Variants in RTKN2 observed in about 807,000 individuals in gnomAD.
RTKN2 encodes rhotekin-2.
In RTKN2, 69 loss-of-function variants were observed where a neutral mutation model predicts 71.5. That is an observed-to-expected ratio of 0.96 (90% CI 0.79 to 1.18). The LOEUF is 1.18. RTKN2 is among the 50% of genes most tolerant of loss of function. The pLI is 0.00. For missense variants in RTKN2, 724 were observed against 719.7 expected, an observed-to-expected ratio of 1.01 and a Z score of -0.07; for synonymous variants, 236 against 236.5, an observed-to-expected ratio of 1.00 and a Z score of 0.02.
At chr10:62,207,995 A>AT (rs946810413) in intron 9 of RTKN2, among the ~76,000 whole-genome samples, 2 of 152,056 alleles carry the variant, frequency 1.3e-5, no homozygotes, top group Non-Finnish European at 2.9e-5. Context: ...TCACTGTGTA[A>AT]TTTTAATCTG....
In RTKN2 at chr10:62,259,771, C is replaced by T. The variant is rs577657431; in HGVS notation, c.257+2854G>A. 2.6e-5 allele frequency among the ~76,000 whole-genome samples: 4 copies of T among 152,192 alleles called. No homozygotes were observed. The South Asian group carries it at 8.3e-4, about 32-fold the overall frequency. On this transcript the variant is annotated intron_variant, in intron 2 of 11. Coordinates refer to ENST00000373789, the MANE Select transcript of RTKN2 (RefSeq NM_145307.4). ...TTTGCCATGTTGCCTAAGCTGATCTCGAACTCCTGAGCTCAAGCAATCTGA... is the reference window on the plus strand; with the variant it reads ...TTTGCCATGTTGCCTAAGCTGATCTTGAACTCCTGAGCTCAAGCAATCTGA...
chr10:62,193,177 C>G lies in RTKN2; in HGVS notation c.*4731G>C, dbSNP rs1009418315. The G allele has an allele frequency of 1.3e-6, 1 of 798,550 alleles. No homozygotes were observed. Among genetic ancestry groups the G allele is most frequent in the African/African-American group, 1.9e-5 (1 of 53,398 alleles). 49.5% of individuals were successfully genotyped at this position (798,550 alleles called of 1,614,324 possible). ...AACAAAATATAAAAATATTTTTAAG[C>G]AAGACACCAAAAAGTATTCATTTTC... On this transcript the variant is annotated 3_prime_UTR_variant, in exon 12 of 12. Coordinates refer to ENST00000373789, the MANE Select transcript of RTKN2 (RefSeq NM_145307.4).
At position 62,197,554 on chromosome 10, in the gene RTKN2, C is replaced by G; in HGVS notation, c.*354G>C. On this transcript the variant is annotated 3_prime_UTR_variant, in exon 12 of 12. Coordinates refer to ENST00000373789, the MANE Select transcript of RTKN2 (RefSeq NM_145307.4). ...ATGAGAATATGGTTCATATTTAACA[C>G]ATTTTAAATTACTAGACAGTCTCTC... is the stretch of plus-strand genomic sequence containing the variant. 9.9e-7 allele frequency: 1 copy of G among 1,008,210 alleles called. No homozygotes were observed. Among genetic ancestry groups the G allele is most frequent in the Non-Finnish European group, 1.2e-6 (1 of 843,552 alleles). The allele number at this position is 1,008,210 out of a possible 1,614,324, so 62.5% of individuals were successfully genotyped here.
intron 6 of RTKN2, among the ~76,000 whole-genome samples, chr10:62,234,494 T>TAA (rs10639375): frequency 0.75 from 106,912 of 142,370 alleles, 40,041 homozygotes; most frequent in East Asian, 0.88. Context: ...AGACTTGTCT[T>TAA]AAAAAAAAAA....
chr10:62,198,637 T>C (rs913480031), intron 11 of RTKN2, among the ~76,000 whole-genome samples, 194 bp from the exon 12 acceptor site: 1 of 152,042 alleles, frequency 6.6e-6, no homozygotes, highest in Non-Finnish European at 1.5e-5. Flanking sequence ...TCATACATTA[T>C]ATATGTAAAC....
chr10:62,220,843 A>G (rs1841889802), intron 7 of RTKN2, among the ~76,000 whole-genome samples: 1 of 152,144 alleles, frequency 6.6e-6, no homozygotes, highest in South Asian at 2.1e-4. Context: ...GATTTACAAC[A>G]TTTATAGTAA....
At position 62,197,232 on chromosome 10, in the gene RTKN2, A is replaced by G; in HGVS notation, c.*676T>C. ...CATCTACCATTTCTCTAAACTAGTA[A>G]GTGTTATGCTTCATTTATGAAAGTT... is the stretch of plus-strand genomic sequence containing the variant. On this transcript the variant is annotated 3_prime_UTR_variant, in exon 12 of 12. Transcript: ENST00000373789. 1 of 985,388 alleles carries G rather than the reference A, an allele frequency of 1.0e-6. No homozygotes were observed. Among genetic ancestry groups the G allele is most frequent in the Non-Finnish European group, 1.2e-6 (1 of 829,520 alleles). The allele number at this position is 985,388 out of a possible 1,614,324, so 61.0% of individuals were successfully genotyped here. A position where few individuals can be genotyped will look rare whatever the true frequency, so the allele number is the denominator to read the frequency against.
At chr10:62,231,028 A>G (rs905445502) in intron 6 of RTKN2, among the ~76,000 whole-genome samples, 1 of 152,140 alleles carries the variant, frequency 6.6e-6, no homozygotes, top group African/African-American at 2.4e-5. Flanking sequence ...CTGTCACATC[A>G]CCAAATCTTT....
chr10:62,261,843 A>G (rs1842780107), intron 2 of RTKN2, among the ~76,000 whole-genome samples: 1 of 152,092 alleles, frequency 6.6e-6, no homozygotes, highest in Non-Finnish European at 1.5e-5. Flanking sequence ...AACAGTCACT[A>G]TTGTCTAACA....
chr10:62,195,429 A>G lies in RTKN2; in HGVS notation c.*2479T>C. 1 of 982,424 alleles carries G rather than the reference A, an allele frequency of 1.0e-6. No homozygotes were observed. The highest frequency in any genetic ancestry group is 1.2e-6 in the Non-Finnish European group (1 of 827,264). The allele number at this position is 982,424 out of a possible 1,614,324, so 60.9% of individuals were successfully genotyped here. On this transcript the variant is annotated 3_prime_UTR_variant, in exon 12 of 12. Coordinates refer to ENST00000373789, the MANE Select transcript of RTKN2 (RefSeq NM_145307.4). ...ATTCTTTTGAAACACTCTTTGACAC[A>G]GTGCTTAACTATTTTTAGATTTTTT...
chr10:62,247,860 T>G (rs1159207038), intron 2 of RTKN2, among the ~76,000 whole-genome samples: 3 of 152,078 alleles, frequency 2.0e-5, no homozygotes, highest in Non-Finnish European at 2.9e-5. Flanking sequence ...ATATAAATTC[T>G]TAAAATACTT....
chr10:62,263,983 C>A (rs1401938981), intron 1 of RTKN2, among the ~76,000 whole-genome samples: 1 of 152,010 alleles, frequency 6.6e-6, no homozygotes, highest in African/African-American at 2.4e-5. Context: ...AATTATAAAT[C>A]AAAGGTACTC....
At chr10:62,202,438 A>T (rs1162740227) in intron 10 of RTKN2, among the ~76,000 whole-genome samples, 4 of 152,218 alleles carry the variant, frequency 2.6e-5, no homozygotes, top group Admixed American at 2.0e-4. Context: ...GGATCACAAG[A>T]GGTTGCACCT....
In RTKN2 at chr10:62,244,513, A is replaced by G. The variant is rs572222455; in HGVS notation, c.316+1486T>C. ...TATGAAATGACAATAGATGTTGACT[A>G]TCATGGCATTTGAGTGTTTAACAGC... On this transcript the variant is annotated intron_variant, in intron 3 of 11. Transcript: ENST00000373789. Among the ~76,000 whole-genome samples, 3 of 147,276 alleles carry G rather than the reference A, an allele frequency of 2.0e-5. No homozygotes were observed. In the East Asian group the frequency reaches 6.1e-4, roughly 30 times the overall value.
intron 3 of RTKN2, among the ~76,000 whole-genome samples, chr10:62,242,374 A>T (rs1023675519): frequency 6.6e-6 from 1 of 152,092 alleles, no homozygotes; most frequent in Non-Finnish European, 1.5e-5. Flanking sequence ...ACAGAATAGC[A>T]TAATAATTTG....
intron 5 of RTKN2, chr10:62,239,121 T>C (rs922731110): frequency 6.6e-6 from 1 of 152,230 alleles, no homozygotes; most frequent in Non-Finnish European, 1.5e-5. Flanking sequence ...CATTTTTTTT[T>C]ATTGCTTTGA....
chr10:62,233,928 G>A (rs1842203293), intron 6 of RTKN2, among the ~76,000 whole-genome samples: 1 of 152,092 alleles, frequency 6.6e-6, no homozygotes, highest in African/African-American at 2.4e-5. Context: ...AGAAATTCTA[G>A]GAATGCAGCT....
intron 6 of RTKN2, among the ~76,000 whole-genome samples, chr10:62,230,622 G>A (rs920418169): frequency 5.3e-5 from 8 of 152,020 alleles, no homozygotes; most frequent in Admixed American, 5.2e-4. Context: ...CTTTTTTAAG[G>A]TTCAAAAAAA....
In RTKN2 at chr10:62,198,062, G is replaced by A; in HGVS notation, c.1676C>T (p.Pro559Leu). ...MHHLQKPMAA[P>L]RKLLPARRNR... Reference sequence around the variant, plus strand: ...TCTCCTGGCAGGCAGAAGTTTTCGAGGAGCAGCCATTGGTTTCTGTAAGTG... The same window carrying A: ...TCTCCTGGCAGGCAGAAGTTTTCGAAGAGCAGCCATTGGTTTCTGTAAGTG... The change falls in exon 12 of 12, where the codon CCT becomes CTT. Residue 559 changes from proline to leucine, a missense_variant. Physicochemically the swap from Pro to Leu is moderately conservative, Grantham distance 98 (BLOSUM62 -3). Coordinates refer to ENST00000373789, the MANE Select transcript of RTKN2 (RefSeq NM_145307.4). 1.9e-6 allele frequency: 3 copies of A among 1,614,044 alleles called. No individual in the cohort carries two copies. The highest frequency in any genetic ancestry group is 2.2e-5 in the East Asian group (1 of 44,880).
Sources: allele counts gnomAD v4.1 joint callset (sites outside exome capture counted in the v4.1 genomes callset), GRCh38; gene constraint gnomAD v4.1.1; transcripts MANE v1.5; gene names NCBI Gene and HGNC (gene_info 2026-07-23, HGNC 2026-07-21).